Variants in ZNF592 observed in about 807,000 individuals in gnomAD.
ZNF592 encodes zinc finger protein 592, also known as spinocerebellar ataxia, autosomal recessive 5.
Under a neutral mutation model 80.3 loss-of-function variants are expected in ZNF592, and 11 were observed. The ratio of observed to expected loss-of-function variants is 0.14; its 90% CI spans 0.09 to 0.23. ZNF592 has a LOEUF of 0.23. Ranked by LOEUF, ZNF592 falls within the 10% of genes least tolerant of loss-of-function variation. The pLI is 1.00. For missense variants in ZNF592, 1,420 were observed against 1,633.9 expected (o/e 0.87, Z 2.26); for synonymous variants, 646 against 640.3 (o/e 1.01, Z -0.13).
intron 4 of ZNF592, among the ~76,000 whole-genome samples, chr15:84,786,914 G>A (rs192241991): frequency 3.1e-4 from 46 of 146,690 alleles, no homozygotes; most frequent in African/African-American, 1.1e-3. Flanking sequence ...GCAGTGGTGC[G>A]ATCTCGGCCC....
At chr15:84,780,372 T>C (rs1277255976) in intron 3 of ZNF592, among the ~76,000 whole-genome samples, 2 of 152,194 alleles carry the variant, frequency 1.3e-5, no homozygotes, top group South Asian at 4.1e-4. Flanking sequence ...AGTTTCCTTA[T>C]AGTTATGATC....
chr15:84,796,450 G>A (rs985796358), intron 5 of ZNF592, among the ~76,000 whole-genome samples: 2 of 151,482 alleles, frequency 1.3e-5, no homozygotes, highest in African/African-American at 4.9e-5. Flanking sequence ...AAAAGGAAGA[G>A]CAGAGAGGGA....
intron 1 of ZNF592, chr15:84,753,342 G>A (rs763264752): frequency 2.0e-5 from 3 of 152,130 alleles, no homozygotes; most frequent in Non-Finnish European, 4.4e-5. Context: ...GAGGTAGGGG[G>A]CTTTTGGCTG....
At chr15:84,786,841 CTTTTTTTTTTTTTTTT>C (rs35391255) in intron 4 of ZNF592, among the ~76,000 whole-genome samples, 1 of 70,818 alleles carries the variant, frequency 1.4e-5, no homozygotes, top group Non-Finnish European at 2.5e-5. Flanking sequence ...CCTTACGTAT[CTTTTTTTTTTTTTTTT>C]TTTTTTTTTG....
rs200598998 is a variant in ZNF592 at position 84,798,491 on chromosome 15, G to A, written c.2736+17G>A. On this transcript the variant is annotated intron_variant, in intron 7 of 10. Transcript: ENST00000560079. The surrounding 1 kb of genome is among the most constrained non-coding windows in gnomAD (Gnocchi z 4.5). ...CACGTCAAGGTGGGATGCCTTGCGGGAGGAGGCCGGGGAGGAGGGCACATG... is the reference window on the plus strand; with the variant it reads ...CACGTCAAGGTGGGATGCCTTGCGGAAGGAGGCCGGGGAGGAGGGCACATG... The A allele has an allele frequency of 1.9e-4, 305 of 1,613,878 alleles. No homozygotes were observed. The highest frequency in any genetic ancestry group is 4.2e-4 in the Admixed American group (25 of 60,012).
chr15:84,795,514 C>A (rs939478873), intron 5 of ZNF592, among the ~76,000 whole-genome samples: 7 of 152,174 alleles, frequency 4.6e-5, no homozygotes, highest in African/African-American at 9.7e-5. Flanking sequence ...CAGTAGCATT[C>A]GAAAAGAATG....
chr15:84,752,118 G>A (rs932375631), intron 1 of ZNF592, among the ~76,000 whole-genome samples: 5 of 152,102 alleles, frequency 3.3e-5, no homozygotes, highest in African/African-American at 9.7e-5. Flanking sequence ...TCATACTGTG[G>A]TCATTTTGAA....
chr15:84,799,212 T>A lies in ZNF592; in HGVS notation c.3137+2T>A. On this transcript the variant is annotated splice_donor_variant, in intron 9 of 10. Transcript: ENST00000560079. LOFTEE classifies it high-confidence loss of function. This position sits in a 1 kb window ranked among gnomAD's most constrained non-coding sequence, Gnocchi z 4.2. ...AGTAAAGAAGTTCTACACCTGCGGG[T>A]GAGTCCCTGGGGATAGTAGTGAGGA... The A allele has an allele frequency of 6.2e-7, 1 of 1,614,022 alleles. No homozygotes were observed. The highest frequency in any genetic ancestry group is 8.5e-7 in the Non-Finnish European group (1 of 1,179,934).
intron 1 of ZNF592, among the ~76,000 whole-genome samples, chr15:84,764,188 C>T (rs779913872): frequency 7.2e-5 from 11 of 152,182 alleles, no homozygotes; most frequent in Non-Finnish European, 1.5e-4. Flanking sequence ...GTAAACTAAA[C>T]CCGGCTTTAC....
chr15:84,758,087 C>G (rs1899232981), intron 1 of ZNF592, among the ~76,000 whole-genome samples: 1 of 152,062 alleles, frequency 6.6e-6, no homozygotes, highest in Non-Finnish European at 1.5e-5. Flanking sequence ...ATTCTCCTGC[C>G]TCAGCCTCCC....
intron 2 of ZNF592, among the ~76,000 whole-genome samples, chr15:84,767,158 TTAATTTTTTTGTATTTTTAG>T (rs1337184116): frequency 2.0e-5 from 3 of 151,902 alleles, no homozygotes; most frequent in African/African-American, 4.8e-5. Flanking sequence ...CCACACCCGG[TTAATTTTTTTGTATTTTTAG>T]TAATTTTTTT....
chr15:84,757,821 G>A (rs1020753832), intron 1 of ZNF592, among the ~76,000 whole-genome samples: 2 of 150,858 alleles, frequency 1.3e-5, no homozygotes, highest in Middle Eastern at 3.2e-3. Context: ...GCCATGTCTG[G>A]CTTTTTCTTT....
chr15:84,768,230 C>CTTTTTTTTTTTTTTTTT (rs995969490), intron 2 of ZNF592, among the ~76,000 whole-genome samples: 8 of 122,340 alleles, frequency 6.5e-5, no homozygotes, highest in African/African-American at 9.8e-5. Flanking sequence ...TTCTTTCTTT[C>CTTTTTTTTTTTTTTTTT]TTTTTTTTTT....
At chr15:84,777,055 G>T (rs982094220) in intron 2 of ZNF592, among the ~76,000 whole-genome samples, 7 of 151,626 alleles carry the variant, frequency 4.6e-5, no homozygotes, top group African/African-American at 1.7e-4. Flanking sequence ...AAAAAAGAAA[G>T]AAAAGAATGT....
At position 84,802,498 on chromosome 15, in the gene ZNF592, C is replaced by A; in HGVS notation, c.*105C>A. 2 of 1,355,652 alleles carry A rather than the reference C, an allele frequency of 1.5e-6. No individual in the cohort carries two copies. The highest frequency in any genetic ancestry group is 1.3e-5 in the South Asian group (1 of 79,798). The allele number at this position is 1,355,652 out of a possible 1,614,324, so 84.0% of individuals were successfully genotyped here. ...GGCTCTGCCCCCAGTGTGAGTGTGA[C>A]CGGTTGTACCCTGGAGTAGTGTCTG... is the stretch of plus-strand genomic sequence containing the variant. On this transcript the variant is annotated 3_prime_UTR_variant, in exon 11 of 11. Coordinates refer to ENST00000560079, the MANE Select transcript of ZNF592 (RefSeq NM_014630.3).
chr15:84,748,846 G>T (rs1201469156), intron 1 of ZNF592, among the ~76,000 whole-genome samples, 182 bp downstream of exon 1: 2 of 147,176 alleles, frequency 1.4e-5, no homozygotes, highest in Non-Finnish European at 3.0e-5. Flanking sequence ...CGCCTGGCGG[G>T]CCCGGGCCGC....
Position 84,784,305 on chromosome 15 carries a change from G to T in ZNF592, c.1630G>T (p.Val544Leu). Residue 544 changes from valine (V) to leucine (L), a missense_variant, in exon 4 of 11, where the codon GTG becomes TTG. Physicochemically the swap from Val to Leu is conservative, Grantham distance 32 (BLOSUM62 1). Transcript: ENST00000560079. The surrounding 1 kb of genome is among the most constrained non-coding windows in gnomAD (Gnocchi z 5.8). ...TQMSVPLVHQ[V>L]KKAAPLIVEV... ...AATGTCGGTGCCCCTGGTCCACCAG[G>T]TGAAAAAGGCTGCCCCACTGATTGT... 6.2e-7 allele frequency: 1 copy of T among 1,614,226 alleles called. No individual in the cohort carries two copies. The highest frequency in any genetic ancestry group is 8.5e-7 in the Non-Finnish European group (1 of 1,180,036).
chr15:84,787,309 A>G (rs1244050499), intron 4 of ZNF592, among the ~76,000 whole-genome samples: 2 of 152,188 alleles, frequency 1.3e-5, no homozygotes, highest in East Asian at 3.8e-4. Context: ...AGTGCACAGA[A>G]GGCTATCAGG....
intron 1 of ZNF592, among the ~76,000 whole-genome samples, chr15:84,757,338 C>T (rs1426931144): frequency 1.1e-5 from 1 of 94,230 alleles, no homozygotes; most frequent in African/African-American, 5.0e-5. Context: ...TTCTTTCTTT[C>T]CTTTTTTTTT....
Sources: allele counts gnomAD v4.1 joint callset (sites outside exome capture counted in the v4.1 genomes callset), GRCh38; gene constraint gnomAD v4.1.1; non-coding constraint Gnocchi (gnomAD v3.1); transcripts MANE v1.5; gene names NCBI Gene and HGNC (gene_info 2026-07-23, HGNC 2026-07-21).